ADCYAP1R1: variants seen among roughly 807,000 people sequenced by gnomAD.
The protein encoded by ADCYAP1R1 is pituitary adenylate cyclase-activating polypeptide type I receptor.
In ADCYAP1R1, 44 loss-of-function variants were observed where a neutral mutation model predicts 67.6. The ratio of observed to expected loss-of-function variants is 0.65; its 90% CI spans 0.51 to 0.84. ADCYAP1R1 has a LOEUF of 0.84. Ranked by LOEUF, ADCYAP1R1 falls within the 40% of genes least tolerant of loss-of-function variation. ADCYAP1R1 has a pLI of 0.00. For missense variants in ADCYAP1R1, 477 were observed against 587.9 expected (o/e 0.81, Z 1.95); for synonymous variants, 222 against 219.6 (o/e 1.01, Z -0.10).
chr7:31,079,624 G>C (rs990289235), intron 4 of ADCYAP1R1, among the ~76,000 whole-genome samples: 3 of 152,224 alleles, frequency 2.0e-5, no homozygotes, highest in Non-Finnish European at 4.4e-5. Context: ...TGTCCTGGAG[G>C]GGGAGGGGCT....
Position 31,078,098 on chromosome 7 carries a change from G to T in ADCYAP1R1, c.265G>T (p.Val89Phe). Reference protein sequence around the residue: ...ELFRIFNPDQVWETETIGESD... With the variant: ...ELFRIFNPDQFWETETIGESD... Reference sequence around the variant, plus strand: ...CTTCCGAATCTTCAACCCAGACCAAGGTGGGTTTAGCCCAGTCTCTTTAGG... The same window carrying T: ...CTTCCGAATCTTCAACCCAGACCAATGTGGGTTTAGCCCAGTCTCTTTAGG... The change falls in exon 4 of 16, where the codon GTC becomes TTC. Residue 89 changes from valine to phenylalanine, a missense_variant and splice_region_variant. Coordinates refer to ENST00000304166, the MANE Select transcript of ADCYAP1R1 (RefSeq NM_001118.5). 6.2e-7 allele frequency: 1 copy of T among 1,608,166 alleles called. No homozygotes were observed. Among genetic ancestry groups the T allele is most frequent in the African/African-American group, 1.3e-5 (1 of 74,914 alleles).
At chr7:31,059,798 G>A (rs1794415184) in intron 1 of ADCYAP1R1, among the ~76,000 whole-genome samples, 1 of 152,100 alleles carries the variant, frequency 6.6e-6, no homozygotes. Flanking sequence ...GGGGCTGAAA[G>A]GATTACCGCC....
chr7:31,100,180 G>C, intron 13 of ADCYAP1R1: 1 of 1,550,620 alleles, frequency 6.4e-7, no homozygotes, highest in Non-Finnish European at 8.7e-7. Context: ...CAGCACTCTT[G>C]CAAGATGTCA....
rs1304119685 is a variant in ADCYAP1R1 at position 31,102,731 on chromosome 7, C to T, written c.1047-506C>T. 1.3e-5 allele frequency among the ~76,000 whole-genome samples: 2 copies of T among 152,174 alleles called. No homozygotes were observed. The highest frequency in any genetic ancestry group is 2.9e-5 in the Non-Finnish European group (2 of 68,030). ...GATCCACTCACTGAGCCTTTCCTCC[C>T]TCCCTGCCATCAGCACTTCCCCATC... is the stretch of plus-strand genomic sequence containing the variant. On this transcript the variant is annotated intron_variant, in intron 13 of 15. Coordinates refer to ENST00000304166, the MANE Select transcript of ADCYAP1R1 (RefSeq NM_001118.5). The surrounding 1 kb of genome is among the most constrained non-coding windows in gnomAD (Gnocchi z 4.3).
At chr7:31,070,994 A>G (rs960344059) in intron 3 of ADCYAP1R1, among the ~76,000 whole-genome samples, 8 of 152,212 alleles carry the variant, frequency 5.3e-5, no homozygotes, top group Admixed American at 3.9e-4. Flanking sequence ...AACATTGGCC[A>G]TAAAGTAAAT....
intron 12 of ADCYAP1R1, among the ~76,000 whole-genome samples, chr7:31,089,258 A>AT (rs1795867780): frequency 6.6e-6 from 1 of 151,702 alleles, no homozygotes. Flanking sequence ...GTTCTCATGG[A>AT]TTTTCTAGGT....
chr7:31,069,626 A>C (rs1584489938), intron 3 of ADCYAP1R1, among the ~76,000 whole-genome samples: 1 of 152,024 alleles, frequency 6.6e-6, no homozygotes. Flanking sequence ...CTCCAGGGGG[A>C]TCCAGGAAAG....
rs1459533466 is a variant in ADCYAP1R1 at position 31,086,525 on chromosome 7, A to G, written c.811A>G (p.Ile271Val). The G allele has an allele frequency of 2.5e-6, 4 of 1,614,204 alleles. No individual in the cohort carries two copies. Among genetic ancestry groups the G allele is most frequent in the East Asian group, 4.5e-5 (2 of 44,876 alleles). Residue 271 changes from isoleucine to valine, a missense_variant, in exon 10 of 16, where the codon ATC (isoleucine) becomes GTC (valine). Physicochemically the swap from Ile to Val is conservative, Grantham distance 29. Coordinates refer to ENST00000304166, the MANE Select transcript of ADCYAP1R1 (RefSeq NM_001118.5). This position sits in a 1 kb window ranked among gnomAD's most constrained non-coding sequence, Gnocchi z 5.0. ...PERRYFYWYT[I>V]IGWGTPTVCV... ...AAGGAGATACTTCTACTGGTACACC[A>G]TCATTGGCTGGGGTAGGTTCCTGGC...
At chr7:31,077,513 GGT>G (rs999846355) in intron 3 of ADCYAP1R1, among the ~76,000 whole-genome samples, 2 of 143,356 alleles carry the variant, frequency 1.4e-5, no homozygotes, top group Admixed American at 1.4e-4. Flanking sequence ...TGGTATATGT[GGT>G]GTGTGTGTGA....
At chr7:31,079,638 AG>A (rs1399424768) in intron 4 of ADCYAP1R1, among the ~76,000 whole-genome samples, 2 of 152,226 alleles carry the variant, frequency 1.3e-5, no homozygotes, top group Non-Finnish European at 2.9e-5. Flanking sequence ...AGGGGCTTGC[AG>A]GAGGTGGCAG....
chr7:31,074,507 C>T (rs936350175), intron 3 of ADCYAP1R1, among the ~76,000 whole-genome samples: 1 of 152,222 alleles, frequency 6.6e-6, no homozygotes, highest in African/African-American at 2.4e-5. Context: ...ACTCATGACC[C>T]TGCTCATTCG....
At chr7:31,096,188 C>A (rs534154654) in intron 13 of ADCYAP1R1, among the ~76,000 whole-genome samples, 1 of 152,150 alleles carries the variant, frequency 6.6e-6, no homozygotes, top group Non-Finnish European at 1.5e-5. Flanking sequence ...GAGCCGGCTT[C>A]ATTCTAGGGG....
intron 1 of ADCYAP1R1, among the ~76,000 whole-genome samples, chr7:31,054,918 G>C (rs1794176262): frequency 6.6e-6 from 1 of 152,222 alleles, no homozygotes; most frequent in Non-Finnish European, 1.5e-5. Context: ...AAGGCCTAGA[G>C]GCCTCAGAGA....
intron 1 of ADCYAP1R1, among the ~76,000 whole-genome samples, chr7:31,058,038 C>A (rs1794328948): frequency 6.6e-6 from 1 of 152,190 alleles, no homozygotes. Flanking sequence ...TGTCCACACA[C>A]CCCTGTGTGG....
intron 1 of ADCYAP1R1, among the ~76,000 whole-genome samples, chr7:31,056,159 G>T (rs1794231832): frequency 6.6e-6 from 1 of 152,176 alleles, no homozygotes; most frequent in African/African-American, 2.4e-5. Flanking sequence ...CAGCTCCAAG[G>T]AGAGGGGCTC....
At chr7:31,056,727 A>G (rs1308418545) in intron 1 of ADCYAP1R1, among the ~76,000 whole-genome samples, 1 of 152,118 alleles carries the variant, frequency 6.6e-6, no homozygotes, top group East Asian at 1.9e-4. Flanking sequence ...CTTTGAAGGG[A>G]TATTTTCTAA....
At chr7:31,063,363 C>T (rs1794591908) in intron 2 of ADCYAP1R1, 48 bp downstream of exon 2, 1 of 1,604,534 alleles carries the variant, frequency 6.2e-7, no homozygotes, top group African/African-American at 1.3e-5. Context: ...TCACCTGAGT[C>T]CCCGCTCCAG....
rs774231445 is a variant in ADCYAP1R1, at chr7:31,080,581, C to CTT, written c.266-29_266-28dup. The CTT allele has an allele frequency of 1.9e-6, 3 of 1,610,810 alleles. No homozygotes were observed. In the East Asian group the frequency reaches 6.7e-5, roughly 36 times the overall value. On this transcript the variant is annotated intron_variant, in intron 4 of 15. Transcript: ENST00000304166. ...TTCTCACCCCGCTGCTCACCTCTGA[C>CTT]TTTTCTCTCTCTCTCTTTCTCTCTG...
intron 1 of ADCYAP1R1, among the ~76,000 whole-genome samples, chr7:31,056,539 G>T (rs768259506): frequency 2.6e-5 from 4 of 151,858 alleles, no homozygotes; most frequent in South Asian, 4.2e-4. Context: ...TGTGGTGGGG[G>T]TGGGCCAAGG....
Sources: gnomAD v4.1 joint callset for allele counts (sites outside exome capture counted in the v4.1 genomes callset) on GRCh38, gnomAD v4.1.1 for gene constraint, Gnocchi (gnomAD v3.1) non-coding constraint, MANE v1.5 for transcripts, NCBI Gene and HGNC (gene_info 2026-07-23, HGNC 2026-07-21) for gene names.